The following COL5A1 variants were observed in gnomAD, a reference collection of about 807,000 sequenced individuals.
COL5A1 encodes collagen type V alpha 1 chain.
A neutral mutation model predicts 263.7 loss-of-function variants in COL5A1; 16 were observed. The ratio of observed to expected loss-of-function variants is 0.06; its 90% CI spans 0.04 to 0.09. The LOEUF is 0.09. Ranked by LOEUF, COL5A1 falls within the 10% of genes least tolerant of loss-of-function variation. The pLI is 1.00. For synonymous variants in COL5A1, 1,012 were observed against 1,004.5 expected, an observed-to-expected ratio of 1.01 and a Z score of -0.14; for missense variants, 2,036 against 2,540.5, an observed-to-expected ratio of 0.80 and a Z score of 4.27.
At chr9:134,705,001 G>T (rs1833791390) in intron 4 of COL5A1, among the ~76,000 whole-genome samples, 1 of 152,286 alleles carries the variant, frequency 6.6e-6, no homozygotes, top group South Asian at 2.1e-4. Flanking sequence ...AAAATGAGGG[G>T]CTGGCACTGT....
rs559855132 is a variant in COL5A1 at position 134,754,073 on chromosome 9, C to T, written c.1773+170C>T. ...GGAGCACAATGAACTCTGACACCTG[C>T]GGCAGAAATGAGCTGGCTGTATTCT... On this transcript the variant is annotated intron_variant, in intron 15 of 65. Transcript: ENST00000371817. The surrounding 1 kb of genome is among the most constrained non-coding windows in gnomAD (Gnocchi z 4.3). Among the ~76,000 whole-genome samples the T allele has an allele frequency of 5.3e-5, 8 of 152,336 alleles. No homozygotes were observed. The East Asian group carries it at 7.7e-4, about 15-fold the overall frequency.
chr9:134,835,208 A>T lies in COL5A1; in HGVS notation c.5370+4A>T. 3 of 1,612,188 alleles carry T rather than the reference A, an allele frequency of 1.9e-6. No homozygotes were observed. The highest frequency in any genetic ancestry group is 2.5e-6 in the Non-Finnish European group (3 of 1,179,094). The stretch of plus-strand genomic sequence containing the variant: ...CGCCCTGGTGGACGGCTGTGCTGTG[A>T]GTATCCCGCGCCGCGCCCAGCACCC... On this transcript the variant is annotated splice_donor_region_variant and intron_variant, in intron 65 of 65. Coordinates refer to ENST00000371817, the MANE Select transcript of COL5A1 (RefSeq NM_000093.5).
rs752560603 is a variant in COL5A1 at position 134,802,023 on chromosome 9, C to T, written c.3006+16C>T. ...CGGCCCTCAGGTAAGCTCCAGCCTT[C>T]CCAGATTCCATGGGTCACTCGGTGT... is the stretch of plus-strand genomic sequence containing the variant. On this transcript the variant is annotated intron_variant, in intron 38 of 65. Coordinates refer to ENST00000371817, the MANE Select transcript of COL5A1 (RefSeq NM_000093.5). 1.2e-6 allele frequency: 2 copies of T among 1,612,864 alleles called. No individual in the cohort carries two copies. Among genetic ancestry groups the T allele is most frequent in the South Asian group, 1.1e-5 (1 of 91,076 alleles).
At chr9:134,659,747 C>T (rs1035449121) in intron 1 of COL5A1, among the ~76,000 whole-genome samples, 2 of 152,162 alleles carry the variant, frequency 1.3e-5, no homozygotes, top group African/African-American at 2.4e-5. Flanking sequence ...CCCACAGAGC[C>T]GTGGGCTCCA....
At position 134,765,433 on chromosome 9, in the gene COL5A1, C is replaced by G. The variant is rs937643377; in HGVS notation, c.2035-248C>G. On this transcript the variant is annotated intron_variant, in intron 20 of 65. Coordinates refer to ENST00000371817, the MANE Select transcript of COL5A1 (RefSeq NM_000093.5). This position sits in a 1 kb window ranked among gnomAD's most constrained non-coding sequence, Gnocchi z 5.1. ...AAGCCCCCCTTTCCCTGAGGGTGCCCTGTGGTGTCCTCTCTGAGTTCTCAC... is the reference window on the plus strand; with the variant it reads ...AAGCCCCCCTTTCCCTGAGGGTGCCGTGTGGTGTCCTCTCTGAGTTCTCAC... Among the ~76,000 whole-genome samples the G allele has an allele frequency of 1.3e-5, 2 of 152,094 alleles. No individual in the cohort carries two copies. Among genetic ancestry groups the G allele is most frequent in the African/African-American group, 4.8e-5 (2 of 41,406 alleles).
intron 32 of COL5A1, among the ~76,000 whole-genome samples, chr9:134,791,503 T>A (rs1253875692): frequency 6.6e-6 from 1 of 151,896 alleles, no homozygotes; most frequent in Non-Finnish European, 1.5e-5. Flanking sequence ...GTTGATGCTT[T>A]GTACCAAGTT....
At chr9:134,668,658 A>G (rs1207932245) in intron 1 of COL5A1, among the ~76,000 whole-genome samples, 1 of 151,806 alleles carries the variant, frequency 6.6e-6, no homozygotes, top group Non-Finnish European at 1.5e-5. Context: ...CTATAAATCC[A>G]TCCAATCAGA....
chr9:134,747,553 G>A (rs560169544), intron 11 of COL5A1, among the ~76,000 whole-genome samples: 29 of 150,726 alleles, frequency 1.9e-4, no homozygotes, highest in African/African-American at 6.4e-4. Flanking sequence ...ACCTGCATAT[G>A]CATGCATACA....
At chr9:134,836,015 C>A (rs546865043) in intron 65 of COL5A1, among the ~76,000 whole-genome samples, 2 of 152,326 alleles carry the variant, frequency 1.3e-5, no homozygotes, top group South Asian at 4.1e-4. Flanking sequence ...GCTGAGAATT[C>A]CAGCCTGTGG....
In COL5A1 at chr9:134,734,365, C is replaced by T. The variant is rs540133635; in HGVS notation, c.1389+2238C>T. 3.1e-4 allele frequency among the ~76,000 whole-genome samples: 47 copies of T among 152,324 alleles called. 1 individual carries two copies. Among genetic ancestry groups the T allele is most frequent in the Admixed American group, 2.7e-3 (42 of 15,310 alleles). On this transcript the variant is annotated intron_variant, in intron 9 of 65. Coordinates refer to ENST00000371817, the MANE Select transcript of COL5A1 (RefSeq NM_000093.5). ...TGGGTGCAGTTAGGAAGGATTCCCTCCCCCGGGCCCCAGCCTGCTCCAAGT... is the reference window on the plus strand; with the variant it reads ...TGGGTGCAGTTAGGAAGGATTCCCTTCCCCGGGCCCCAGCCTGCTCCAAGT...
At chr9:134,828,809 T>A in intron 63 of COL5A1, among the ~76,000 whole-genome samples, 1 of 142,730 alleles carries the variant, frequency 7.0e-6, no homozygotes, top group South Asian at 2.3e-4. Context: ...TACACACAGA[T>A]ACCACACACA....
At position 134,676,184 on chromosome 9, in the gene COL5A1, C is replaced by T. The variant is rs1832678878; in HGVS notation, c.110-14728C>T. ...GCTCCACCAAACCTCAGCCCCTTTCCAGAAGTAACCCCTCAACTCTCTGAT... is the reference window on the plus strand; with the variant it reads ...GCTCCACCAAACCTCAGCCCCTTTCTAGAAGTAACCCCTCAACTCTCTGAT... On this transcript the variant is annotated intron_variant, in intron 1 of 65. Coordinates refer to ENST00000371817, the MANE Select transcript of COL5A1 (RefSeq NM_000093.5). 1.3e-5 allele frequency among the ~76,000 whole-genome samples: 2 copies of T among 152,182 alleles called. 1 individual carries two copies. The highest frequency in any genetic ancestry group is 4.1e-4 in the South Asian group (2 of 4,830).
intron 4 of COL5A1, among the ~76,000 whole-genome samples, chr9:134,717,927 G>C (rs1484036678): frequency 6.6e-6 from 1 of 152,138 alleles, no homozygotes; most frequent in African/African-American, 2.4e-5. Context: ...GGGGTTGAAA[G>C]GAGGAGTGCA....
At chr9:134,796,770 A>G in intron 35 of COL5A1, 78 bp from the exon 36 acceptor site, 1 of 1,349,450 alleles carries the variant, frequency 7.4e-7, no homozygotes, top group Non-Finnish European at 1.1e-6. Flanking sequence ...TCAGAGAGCC[A>G]CCGGCACAGG....
intron 1 of COL5A1, among the ~76,000 whole-genome samples, chr9:134,646,635 G>A (rs779864540): frequency 2.0e-5 from 3 of 152,086 alleles, no homozygotes; most frequent in African/African-American, 7.2e-5. Context: ...CTCTGCCCCC[G>A]TTCCTCCTGT....
chr9:134,795,225 G>C, intron 33 of COL5A1, 37 bp from the exon 34 acceptor site: 1 of 1,613,622 alleles, frequency 6.2e-7, no homozygotes, highest in Non-Finnish European at 8.5e-7. Flanking sequence ...TGTGTGTCGG[G>C]ACTTGAGCTG....
At chr9:134,691,120 T>A (rs1833264730) in intron 2 of COL5A1, 41 bp downstream of exon 2, 1 of 1,609,296 alleles carries the variant, frequency 6.2e-7, no homozygotes, top group African/African-American at 1.3e-5. Flanking sequence ...TGGGTCCCGT[T>A]GGCCCTCTGG....
chr9:134,737,587 AG>A (rs1835149168), intron 9 of COL5A1, among the ~76,000 whole-genome samples: 1 of 152,220 alleles, frequency 6.6e-6, no homozygotes, highest in Non-Finnish European at 1.5e-5. Context: ...TGGAACACGG[AG>A]GACTCTTGGG....
At chr9:134,759,516 T>G (rs140891885) in intron 18 of COL5A1, among the ~76,000 whole-genome samples, 1 of 75,948 alleles carries the variant, frequency 1.3e-5, no homozygotes, top group African/African-American at 6.3e-5. Flanking sequence ...CACACACACA[T>G]ACACACACCA....
Sources: gnomAD v4.1 joint callset for allele counts (sites outside exome capture counted in the v4.1 genomes callset) on GRCh38, gnomAD v4.1.1 for gene constraint, Gnocchi (gnomAD v3.1) non-coding constraint, MANE v1.5 for transcripts, NCBI Gene and HGNC (gene_info 2026-07-23, HGNC 2026-07-21) for gene names.